The following STK39 variants were observed in gnomAD, a reference collection of about 807,000 sequenced individuals.
STK39 encodes serine/threonine kinase 39.
Under a neutral mutation model 77.8 loss-of-function variants are expected in STK39, and 20 were observed. The observed-to-expected ratio is 0.26, with a 90% CI of 0.18 to 0.37. The LOEUF (loss-of-function observed/expected upper bound fraction) is 0.37. Among genes scored for constraint, STK39 ranks in the 10% least tolerant of loss-of-function variants. The pLI, the probability that STK39 is intolerant of heterozygous loss-of-function variation, is 1.00. For missense variants in STK39, 479 were observed against 656.5 expected (o/e 0.73, Z 2.95); for synonymous variants, 246 against 234.1 (o/e 1.05, Z -0.47).
At chr2:168,039,176 C>T (rs1455443989) in intron 14 of STK39, among the ~76,000 whole-genome samples, 1 of 152,114 alleles carries the variant, frequency 6.6e-6, no homozygotes, top group Non-Finnish European at 1.5e-5. Flanking sequence ...GTGGTATATC[C>T]ATATTCCTCT....
chr2:168,221,967 T>C (rs1170157570), intron 1 of STK39, among the ~76,000 whole-genome samples: 1 of 152,186 alleles, frequency 6.6e-6, no homozygotes. Context: ...TTAATAAGTA[T>C]GGTTCCACTT....
intron 14 of STK39, among the ~76,000 whole-genome samples, chr2:168,051,614 A>C (rs905648608): frequency 6.6e-6 from 1 of 151,868 alleles, no homozygotes; most frequent in African/African-American, 2.4e-5. Flanking sequence ...GAGGCCCTCC[A>C]CTCTACTCTT....
intron 16 of STK39, among the ~76,000 whole-genome samples, chr2:167,971,392 A>T (rs1338620435): frequency 6.6e-6 from 1 of 152,148 alleles, no homozygotes; most frequent in African/African-American, 2.4e-5. Flanking sequence ...GGGGTGTAAA[A>T]TTTGGCTTTT....
intron 16 of STK39, among the ~76,000 whole-genome samples, chr2:167,968,268 T>C (rs978054706): frequency 3.3e-5 from 5 of 152,252 alleles, no homozygotes; most frequent in Admixed American, 2.6e-4. Flanking sequence ...GTGTGTCTTT[T>C]TGGTAGAGCA....
At chr2:168,162,647 G>A (rs978735148) in intron 4 of STK39, among the ~76,000 whole-genome samples, 12 of 152,094 alleles carry the variant, frequency 7.9e-5, no homozygotes, top group Middle Eastern at 3.4e-3. Context: ...TTTCTTCACC[G>A]TATAAAACCT....
intron 1 of STK39, among the ~76,000 whole-genome samples, chr2:168,191,325 G>A (rs1689334300): frequency 6.6e-6 from 1 of 152,090 alleles, no homozygotes; most frequent in Admixed American, 6.5e-5. Context: ...TCAGCCTCCA[G>A]GGGCAATATA....
intron 1 of STK39, among the ~76,000 whole-genome samples, chr2:168,207,503 G>A (rs1365454639): frequency 1.3e-5 from 2 of 152,152 alleles, no homozygotes; most frequent in East Asian, 1.9e-4. Context: ...AATGAAGAAA[G>A]GATATCCACT....
chr2:168,177,353 T>C lies in STK39; in HGVS notation c.321+4625A>G, dbSNP rs377767085. Among the ~76,000 whole-genome samples, 7 of 152,228 alleles carry C rather than the reference T, an allele frequency of 4.6e-5. No homozygotes were observed. In the East Asian group the frequency reaches 9.6e-4, roughly 21 times the overall value. Reference sequence around the variant, plus strand: ...TAAATTTTGATGGCATTGATGTATGTGTAGGAATGAGCAAATGAGGCTGAA... The same window carrying C: ...TAAATTTTGATGGCATTGATGTATGCGTAGGAATGAGCAAATGAGGCTGAA... On this transcript the variant is annotated intron_variant, in intron 2 of 17. Coordinates refer to ENST00000355999, the MANE Select transcript of STK39 (RefSeq NM_013233.3).
chr2:168,246,911 C>T (rs924915632), intron 1 of STK39, among the ~76,000 whole-genome samples: 3 of 152,008 alleles, frequency 2.0e-5, no homozygotes, highest in Admixed American at 6.5e-5. Context: ...GAGGAAGATG[C>T]GGCGGCGCCG....
intron 1 of STK39, among the ~76,000 whole-genome samples, chr2:168,183,456 A>G (rs1475769542): frequency 1.3e-5 from 2 of 152,200 alleles, no homozygotes; most frequent in Non-Finnish European, 2.9e-5. Context: ...CCAAGGTCAC[A>G]TAGAGCTAAT....
chr2:168,203,992 A>G (rs1383961141), intron 1 of STK39, among the ~76,000 whole-genome samples: 1 of 152,236 alleles, frequency 6.6e-6, no homozygotes, highest in Non-Finnish European at 1.5e-5. Context: ...GGAAAAACAC[A>G]GAGGCTCCTC....
At chr2:168,108,535 G>A (rs114155183) in intron 10 of STK39, among the ~76,000 whole-genome samples, 15 of 151,430 alleles carry the variant, frequency 9.9e-5, no homozygotes, top group South Asian at 2.1e-4. Context: ...GTGACGGAGC[G>A]AGACCCTGTC....
intron 5 of STK39, among the ~76,000 whole-genome samples, chr2:168,161,017 G>A (rs987604541): frequency 6.6e-6 from 1 of 152,082 alleles, no homozygotes; most frequent in African/African-American, 2.4e-5. Context: ...ATGGGTACAA[G>A]TGGGCTCATC....
chr2:168,152,447 C>A (rs1559122432), intron 5 of STK39, among the ~76,000 whole-genome samples: 1 of 152,214 alleles, frequency 6.6e-6, no homozygotes, highest in Non-Finnish European at 1.5e-5. Context: ...TGGAGAACAT[C>A]TTGTCAATCT....
chr2:168,106,683 G>A (rs375110966), intron 10 of STK39, among the ~76,000 whole-genome samples: 39 of 152,124 alleles, frequency 2.6e-4, no homozygotes, highest in African/African-American at 6.0e-4. Flanking sequence ...TTAGCTGGGC[G>A]TGGTGGTGCG....
intron 15 of STK39, among the ~76,000 whole-genome samples, chr2:168,014,906 A>G (rs2105316665): frequency 6.6e-6 from 1 of 152,340 alleles, no homozygotes; most frequent in African/African-American, 2.4e-5. Flanking sequence ...AATGATTGAC[A>G]TTCCCAAATG....
At chr2:168,239,920 G>T (rs947776772) in intron 1 of STK39, among the ~76,000 whole-genome samples, 1 of 152,242 alleles carries the variant, frequency 6.6e-6, no homozygotes, top group Non-Finnish European at 1.5e-5. Flanking sequence ...CTTGTTCAGG[G>T]TATGAGAAGA....
chr2:168,034,259 G>C (rs1242512256), intron 14 of STK39, among the ~76,000 whole-genome samples: 3 of 152,296 alleles, frequency 2.0e-5, no homozygotes, highest in Middle Eastern at 3.4e-3. Context: ...AAGAGACTGG[G>C]ATTGACTTAC....
At chr2:167,959,976 T>C (rs977238992) in intron 17 of STK39, among the ~76,000 whole-genome samples, 1 of 152,214 alleles carries the variant, frequency 6.6e-6, no homozygotes, top group Non-Finnish European at 1.5e-5. Flanking sequence ...GCCCACGCTT[T>C]GTGAGCCTCA....
Sources: gnomAD v4.1 joint callset for allele counts (sites outside exome capture counted in the v4.1 genomes callset) on GRCh38, gnomAD v4.1.1 for gene constraint, MANE v1.5 for transcripts, NCBI Gene and HGNC (gene_info 2026-07-23, HGNC 2026-07-21) for gene names.